The following CHN1 variants were observed in gnomAD, a reference collection of about 807,000 sequenced individuals.
CHN1 encodes chimerin 1.
CHN1 carries 37 observed loss-of-function variants against 59.5 expected under a neutral mutation model. The observed-to-expected ratio is 0.62, with a 90% CI of 0.48 to 0.82. The LOEUF (loss-of-function observed/expected upper bound fraction) is 0.82. Ranked by LOEUF, CHN1 falls within the 40% of genes least tolerant of loss-of-function variation. The pLI, the probability that CHN1 is intolerant of heterozygous loss-of-function variation, is 0.00. For missense variants in CHN1, 469 were observed against 571.0 expected (o/e 0.82, Z 1.82); for synonymous variants, 206 against 200.4 (o/e 1.03, Z -0.24).
Position 174,956,971 on chromosome 2 carries a change from CACA to C in CHN1, c.20-4772_20-4770del, listed in dbSNP as rs376962092. ...GGTTAGGTTCCTGTGTGCCTCTGGT[CACA>C]ACATTTTCATCAACCATTAAATACA... On this transcript the variant is annotated intron_variant, in intron 1 of 12. Coordinates refer to ENST00000409900, the MANE Select transcript of CHN1 (RefSeq NM_001822.7). Among the ~76,000 whole-genome samples the C allele has an allele frequency of 3.1e-4, 47 of 152,184 alleles. 1 individual carries two copies. In the East Asian group the frequency reaches 8.9e-3, roughly 29 times the overall value.
In CHN1 at chr2:174,810,566, G is replaced by C. The variant is rs549256268; in HGVS notation, c.964+945C>G. Among the ~76,000 whole-genome samples, 9 of 152,324 alleles carry C rather than the reference G, an allele frequency of 5.9e-5. No individual in the cohort carries two copies. In the South Asian group the frequency reaches 1.9e-3, roughly 32 times the overall value. ...AGTTGCAGAGCTTCCAGAGTAAAGA[G>C]ATGCTTCTTCCCATTCAATCTGGCA... On this transcript the variant is annotated intron_variant, in intron 10 of 12. Transcript: ENST00000409900.
chr2:174,968,299 GA>G (rs970973582), intron 1 of CHN1, among the ~76,000 whole-genome samples: 5 of 150,964 alleles, frequency 3.3e-5, no homozygotes, highest in Admixed American at 2.0e-4. Flanking sequence ...AGTCACTAAG[GA>G]AAAAAAAAGT....
At chr2:174,878,266 T>C (rs1687635722) in intron 5 of CHN1, 138 bp from the exon 6 acceptor site, 1 of 749,040 alleles carries the variant, frequency 1.3e-6, no homozygotes, top group East Asian at 2.8e-5. Flanking sequence ...GTGGCTAATC[T>C]CTCTGAATCG....
At chr2:174,811,354 T>G in intron 10 of CHN1, 157 bp downstream of exon 10, 1 of 545,164 alleles carries the variant, frequency 1.8e-6, no homozygotes, top group Non-Finnish European at 3.3e-6. Context: ...TACTTACAAC[T>G]CAGAAAAAAG....
At chr2:174,845,782 G>GGC (rs1491522310) in intron 7 of CHN1, among the ~76,000 whole-genome samples, 1 of 15,212 alleles carries the variant, frequency 6.6e-5, no homozygotes, top group African/African-American at 3.1e-4. Context: ...GCATATGGGT[G>GGC]GGGGGGGGGG....
chr2:174,819,386 C>T (rs1478645341), intron 8 of CHN1, among the ~76,000 whole-genome samples: 2 of 152,160 alleles, frequency 1.3e-5, no homozygotes, highest in Non-Finnish European at 2.9e-5. Flanking sequence ...ACACTGAAAA[C>T]ATGAAGTCAC....
At chr2:174,830,028 C>A (rs943371145) in intron 7 of CHN1, among the ~76,000 whole-genome samples, 4 of 151,916 alleles carry the variant, frequency 2.6e-5, no homozygotes, top group Non-Finnish European at 5.9e-5. Flanking sequence ...GTCAAGAGAT[C>A]GAGACTATCT....
chr2:174,824,563 C>T (rs373698080), intron 7 of CHN1, 45 bp from the exon 8 acceptor site: 37 of 1,256,630 alleles, frequency 2.9e-5, no homozygotes, highest in Middle Eastern at 3.7e-4. Flanking sequence ...GGGAAACACA[C>T]GGATGAGAAG....
chr2:174,911,270 C>T (rs1213027877), intron 5 of CHN1, among the ~76,000 whole-genome samples: 1 of 152,078 alleles, frequency 6.6e-6, no homozygotes, highest in Non-Finnish European at 1.5e-5. Context: ...TTCAATCAAA[C>T]CTCTTAAATT....
chr2:174,935,520 A>G (rs1329344709), intron 3 of CHN1, among the ~76,000 whole-genome samples: 1 of 152,190 alleles, frequency 6.6e-6, no homozygotes, highest in African/African-American at 2.4e-5. Flanking sequence ...TATACTACAC[A>G]CCAGTCAGCA....
intron 5 of CHN1, among the ~76,000 whole-genome samples, chr2:174,904,344 TTAGA>T (rs1157224837): frequency 3.3e-5 from 5 of 152,292 alleles, no homozygotes; most frequent in African/African-American, 9.6e-5. Flanking sequence ...TCTTGTCAAC[TTAGA>T]TAAAGTGCTG....
intron 2 of CHN1, among the ~76,000 whole-genome samples, chr2:174,945,973 T>C (rs914968332): frequency 1.3e-5 from 2 of 151,816 alleles, no homozygotes; most frequent in Non-Finnish European, 2.9e-5. Context: ...ACTATCTCTC[T>C]CTACACACAC....
At chr2:174,895,065 A>T (rs1688173097) in intron 5 of CHN1, among the ~76,000 whole-genome samples, 1 of 151,116 alleles carries the variant, frequency 6.6e-6, no homozygotes, top group Non-Finnish European at 1.5e-5. Flanking sequence ...ACACACACAC[A>T]CACACAAAGG....
intron 8 of CHN1, among the ~76,000 whole-genome samples, chr2:174,818,032 C>G (rs930866583): frequency 2.6e-5 from 4 of 152,278 alleles, no homozygotes; most frequent in Non-Finnish European, 4.4e-5. Flanking sequence ...CTTGGCCTCC[C>G]AAAGTGCTGG....
At chr2:174,922,971 A>C (rs548222667) in intron 3 of CHN1, among the ~76,000 whole-genome samples, 16 of 152,186 alleles carry the variant, frequency 1.1e-4, no homozygotes, top group Non-Finnish European at 2.2e-4. Flanking sequence ...GGAAGTATGC[A>C]TACCAAATTC....
chr2:174,906,321 C>T (rs1455947), intron 5 of CHN1, among the ~76,000 whole-genome samples: 73,307 of 151,910 alleles, frequency 0.48, 18,392 homozygotes, highest in African/African-American at 0.6. Context: ...ATGGATAAAC[C>T]TTGAAAACAT....
intron 5 of CHN1, among the ~76,000 whole-genome samples, chr2:174,886,613 T>A (rs996960288): frequency 2.0e-5 from 3 of 152,156 alleles, no homozygotes; most frequent in African/African-American, 7.2e-5. Flanking sequence ...AGGCATGGGT[T>A]TTGTGATGGG....
intron 6 of CHN1, among the ~76,000 whole-genome samples, chr2:174,870,601 C>T (rs547675679): frequency 2.0e-5 from 3 of 152,220 alleles, no homozygotes; most frequent in East Asian, 1.9e-4. Context: ...TAGAACTGCC[C>T]GCAAAGTTAG....
intron 7 of CHN1, among the ~76,000 whole-genome samples, chr2:174,837,654 C>T (rs1333160350): frequency 2.6e-5 from 4 of 151,838 alleles, no homozygotes; most frequent in African/African-American, 9.7e-5. Flanking sequence ...TATTTTGTAA[C>T]CAGAAGAATC....
Sources: gnomAD v4.1 joint callset for allele counts (sites outside exome capture counted in the v4.1 genomes callset) on GRCh38, gnomAD v4.1.1 for gene constraint, MANE v1.5 for transcripts, NCBI Gene and HGNC (gene_info 2026-07-23, HGNC 2026-07-21) for gene names.